Variants in TFEC observed in about 807,000 individuals in gnomAD.
TFEC encodes class E basic helix-loop-helix protein 34.
Under a neutral mutation model 41.6 loss-of-function variants are expected in TFEC, and 31 were observed. That is an observed-to-expected ratio of 0.74 (90% confidence interval 0.56 to 1.01). The LOEUF is 1.01. TFEC is among the 50% of genes least tolerant of loss of function. TFEC has a pLI of 0.00. For synonymous variants in TFEC, 143 were observed against 140.6 expected, an observed-to-expected ratio of 1.02 and a Z score of -0.12; for missense variants, 402 against 404.1, an observed-to-expected ratio of 0.99 and a Z score of 0.04.
intron 1 of TFEC, among the ~76,000 whole-genome samples, chr7:116,138,788 C>G (rs931164042): frequency 6.6e-6 from 1 of 152,116 alleles, no homozygotes. Flanking sequence ...GTTCAGAAAA[C>G]TTTGGTAACA....
At position 116,002,960 on chromosome 7, in the gene TFEC, A is replaced by C. The variant is rs560423229; in HGVS notation, c.-72-18447T>G. Among the ~76,000 whole-genome samples the C allele has an allele frequency of 2.0e-5, 3 of 152,304 alleles. No homozygotes were observed. The South Asian group carries it at 6.2e-4, about 32-fold the overall frequency. On this transcript the variant is annotated intron_variant, in intron 1 of 7. Transcript: ENST00000265440. Reference sequence around the variant, plus strand: ...GCAAATGAAATCATATAAAATGCTCAATTAAAACCACAAAAGGCGAAAAAA... The same window carrying C: ...GCAAATGAAATCATATAAAATGCTCCATTAAAACCACAAAAGGCGAAAAAA...
chr7:115,973,221 G>T (rs2130594439), intron 3 of TFEC, among the ~76,000 whole-genome samples: 1 of 151,992 alleles, frequency 6.6e-6, no homozygotes, highest in East Asian at 1.9e-4. Context: ...AGGAGAAAGA[G>T]ACACTTCTCT....
intron 3 of TFEC, among the ~76,000 whole-genome samples, chr7:116,110,035 T>C (rs1306060808): frequency 2.0e-5 from 3 of 151,790 alleles, no homozygotes; most frequent in Non-Finnish European, 2.9e-5. Context: ...ATGAGAACAC[T>C]TGGACACAGG....
chr7:116,102,824 T>C (rs541854965), intron 3 of TFEC, among the ~76,000 whole-genome samples: 22 of 152,310 alleles, frequency 1.4e-4, no homozygotes, highest in Admixed American at 7.2e-4. Context: ...GATACTTGAA[T>C]GTGTAGCTCA....
chr7:116,144,625 C>T (rs1269181753), intron 1 of TFEC, among the ~76,000 whole-genome samples: 4 of 152,108 alleles, frequency 2.6e-5, no homozygotes, highest in Non-Finnish European at 4.4e-5. Context: ...ATTGGAATAA[C>T]GGGCATGAGC....
intron 1 of TFEC, among the ~76,000 whole-genome samples, chr7:116,126,144 GA>G (rs919290544): frequency 6.6e-6 from 1 of 151,504 alleles, no homozygotes; most frequent in African/African-American, 2.4e-5. Context: ...AAGGTATAAG[GA>G]AAAAAACTCA....
At chr7:116,027,583 T>C (rs1334167417) in intron 1 of TFEC, among the ~76,000 whole-genome samples, 2 of 151,894 alleles carry the variant, frequency 1.3e-5, no homozygotes, top group Non-Finnish European at 2.9e-5. Context: ...GGTGACAGAG[T>C]GAGACCCTGT....
chr7:116,123,153 A>G (rs1366477517), intron 1 of TFEC, among the ~76,000 whole-genome samples: 2 of 152,166 alleles, frequency 1.3e-5, no homozygotes, highest in Non-Finnish European at 2.9e-5. Context: ...TTAAAAAACT[A>G]CAAGTTACCA....
At chr7:116,065,585 C>A (rs1246982035) in intron 3 of TFEC, among the ~76,000 whole-genome samples, 1 of 152,052 alleles carries the variant, frequency 6.6e-6, no homozygotes, top group African/African-American at 2.4e-5. Flanking sequence ...GGTTCAACTG[C>A]ATAATCTAGA....
intron 3 of TFEC, among the ~76,000 whole-genome samples, chr7:116,099,694 G>A (rs1242465359): frequency 3.9e-5 from 6 of 152,194 alleles, no homozygotes; most frequent in Non-Finnish European, 1.5e-5. Context: ...ATGCAGAATG[G>A]AAGCAAGCGA....
At chr7:116,005,519 T>C (rs935171467) in intron 1 of TFEC, among the ~76,000 whole-genome samples, 3 of 152,150 alleles carry the variant, frequency 2.0e-5, no homozygotes, top group African/African-American at 7.2e-5. Flanking sequence ...AGAGATGACT[T>C]AGGGTATCTG....
intron 3 of TFEC, among the ~76,000 whole-genome samples, chr7:116,049,231 G>A (rs1026804366): frequency 6.6e-6 from 1 of 152,086 alleles, no homozygotes; most frequent in African/African-American, 2.4e-5. Context: ...GTATTCAGGA[G>A]ACCCATCTCA....
intron 3 of TFEC, among the ~76,000 whole-genome samples, chr7:116,043,749 C>T (rs1157760460): frequency 6.6e-6 from 1 of 152,100 alleles, no homozygotes; most frequent in African/African-American, 2.4e-5. Flanking sequence ...TGCACTCCTA[C>T]CAAGAAATGT....
intron 1 of TFEC, among the ~76,000 whole-genome samples, chr7:116,001,951 T>C (rs1337101905): frequency 6.6e-6 from 1 of 152,124 alleles, no homozygotes; most frequent in Non-Finnish European, 1.5e-5. Context: ...ATCAGAGAAA[T>C]GCAAATCCAA....
At chr7:115,966,961 T>C (rs1792884212) in intron 3 of TFEC, among the ~76,000 whole-genome samples, 1 of 151,804 alleles carries the variant, frequency 6.6e-6, no homozygotes, top group Admixed American at 6.6e-5. Flanking sequence ...TTTAAATTAA[T>C]TGTTTTATCT....
intron 1 of TFEC, among the ~76,000 whole-genome samples, chr7:116,137,906 TTGAATA>T (rs1392047011): frequency 6.6e-6 from 1 of 151,788 alleles, no homozygotes; most frequent in Non-Finnish European, 1.5e-5. Flanking sequence ...AATTATAAAT[TTGAATA>T]TGAATATGAA....
At chr7:115,953,740 T>C (rs1207462183) in intron 5 of TFEC, among the ~76,000 whole-genome samples, 1 of 152,080 alleles carries the variant, frequency 6.6e-6, no homozygotes, top group Non-Finnish European at 1.5e-5. Flanking sequence ...CCAGCTCTTG[T>C]CTTACAGTCA....
chr7:116,002,404 T>C (rs1042401204), intron 1 of TFEC, among the ~76,000 whole-genome samples: 17 of 152,226 alleles, frequency 1.1e-4, no homozygotes, highest in Non-Finnish European at 2.4e-4. Context: ...AGTCATTTTG[T>C]TATGTGAAAT....
intron 3 of TFEC, among the ~76,000 whole-genome samples, chr7:116,100,222 C>T (rs1437465863): frequency 6.6e-6 from 1 of 152,138 alleles, no homozygotes; most frequent in African/African-American, 2.4e-5. Context: ...ACTGTGGTCT[C>T]TTTTTCTTAT....
Sources: gnomAD v4.1 joint callset for allele counts (sites outside exome capture counted in the v4.1 genomes callset) on GRCh38, gnomAD v4.1.1 for gene constraint, MANE v1.5 for transcripts, NCBI Gene and HGNC (gene_info 2026-07-23, HGNC 2026-07-21) for gene names.